The following LRFN4 variants were observed in gnomAD, a reference collection of about 807,000 sequenced individuals.
LRFN4 encodes the protein leucine-rich repeat and fibronectin type-III domain-containing protein 4.
In LRFN4, 10 loss-of-function variants were observed where a neutral mutation model predicts 29.0. The observed-to-expected ratio is 0.35, with a 90% confidence interval of 0.21 to 0.59. The LOEUF (loss-of-function observed/expected upper bound fraction) is 0.59. Among genes scored for constraint, LRFN4 ranks in the 20% least tolerant of loss-of-function variants. LRFN4 has a pLI of 0.82. For missense variants in LRFN4, 850 were observed against 907.9 expected, an observed-to-expected ratio of 0.94 and a Z score of 0.82; for synonymous variants, 493 against 437.0, an observed-to-expected ratio of 1.13 and a Z score of -1.60.
chr11:66,859,536 C>T lies in LRFN4; in HGVS notation c.1350-101C>T, dbSNP rs1163652512. 27 of 1,557,692 alleles carry T rather than the reference C, an allele frequency of 1.7e-5. No individual in the cohort carries two copies. The East Asian group carries it at 5.4e-4, about 31-fold the overall frequency. On this transcript the variant is annotated intron_variant, in intron 1 of 1. Transcript: ENST00000309602. ...GAGTGAACCCAAGAGCCCGAGTGGC[C>T]CCAGGGGGAGGGGTGTTTGGAGCTG...
At chr11:66,859,574 T>C in intron 1 of LRFN4, 63 bp from the exon 2 acceptor site, 1 of 1,600,230 alleles carries the variant, frequency 6.2e-7, no homozygotes. Context: ...AGCACGGGAG[T>C]GGGGAGGTGA....
At position 66,858,098 on chromosome 11, in the gene LRFN4, C is replaced by A. The variant is rs901013328; in HGVS notation, c.354C>A (p.Gly118=). The A allele has an allele frequency of 1.2e-6, 2 of 1,609,662 alleles. No individual in the cohort carries two copies. The highest frequency in any genetic ancestry group is 3.3e-5 in the Admixed American group (2 of 59,964). The change falls in exon 1 of 2, where the codon GGC becomes GGA. Residue 118 remains glycine (G), a synonymous_variant. Coordinates refer to ENST00000309602, the MANE Select transcript of LRFN4 (RefSeq NM_024036.5). This position sits in a 1 kb window ranked among gnomAD's most constrained non-coding sequence, Gnocchi z 5.9. ...LVELGTGSLR[G]PVNLQHLILS... is the part of the protein sequence containing the mutation. ...AGCTGGGCACCGGGAGCCTCCGGGG[C>A]CCCGTCAATCTGCAGCACCTCATCC... is the stretch of plus-strand genomic sequence containing the variant.
rs760538014 is a variant in LRFN4, at chr11:66,858,165, G to A, written c.421G>A (p.Asp141Asn). 8 of 1,610,836 alleles carry A rather than the reference G, an allele frequency of 5.0e-6. No homozygotes were observed. The highest frequency in any genetic ancestry group is 1.1e-5 in the South Asian group (1 of 91,030). ...QLGRIAPGAF[D>N]DFLESLEDLD... Reference sequence around the variant, plus strand: ...GGGCCGCATCGCGCCGGGAGCCTTCGACGACTTCCTAGAGAGCCTGGAGGA... The same window carrying A: ...GGGCCGCATCGCGCCGGGAGCCTTCAACGACTTCCTAGAGAGCCTGGAGGA... The change falls in exon 1 of 2, where the codon GAC becomes AAC. Residue 141 changes from aspartate to asparagine, a missense_variant. Asp to Asn is a conservative substitution (Grantham distance 23). Coordinates refer to ENST00000309602, the MANE Select transcript of LRFN4 (RefSeq NM_024036.5). This position sits in a 1 kb window ranked among gnomAD's most constrained non-coding sequence, Gnocchi z 5.9.
At position 66,858,958 on chromosome 11, in the gene LRFN4, C is replaced by T; in HGVS notation, c.1214C>T (p.Ser405Phe). ...GCCGAGGGTGAGGGGACGCTGGAGT[C>T]TGAGCCAGCCGTGCAGGTGACGGAG... ...TAAEGEGTLE[S>F]EPAVQVTEVT... The change falls in exon 1 of 2, where the codon TCT (serine) becomes TTT (phenylalanine). Residue 405 changes from serine to phenylalanine, a missense_variant. Around this residue, in one of 2 missense-constraint regions of LRFN4, gnomAD observed 744 missense variants for 753.8 expected, o/e 0.99. Coordinates refer to ENST00000309602, the MANE Select transcript of LRFN4 (RefSeq NM_024036.5). The surrounding 1 kb of genome is among the most constrained non-coding windows in gnomAD (Gnocchi z 5.9). The T allele has an allele frequency of 6.3e-7, 1 of 1,576,922 alleles. No individual in the cohort carries two copies. The highest frequency in any genetic ancestry group is 8.6e-7 in the Non-Finnish European group (1 of 1,158,256).
Position 66,859,889 on chromosome 11 carries a change from T to C in LRFN4, c.1602T>C (p.Thr534=), listed in dbSNP as rs376476016. The C allele has an allele frequency of 2.5e-6, 4 of 1,572,176 alleles. No individual in the cohort carries two copies. The highest frequency in any genetic ancestry group is 2.6e-6 in the Non-Finnish European group (3 of 1,159,914). Residue 534 remains threonine (T), a synonymous_variant, in exon 2 of 2, where the codon ACT becomes ACC. Transcript: ENST00000309602. The part of the protein sequence containing the change: ...GVLVAALLVF[T]VALLVRGRGA... ...TGGTGGCTGCCTTACTGGTCTTCACTGTGGCCTTGCTGGTTCGGGGCCGGG... is the reference window on the plus strand; with the variant it reads ...TGGTGGCTGCCTTACTGGTCTTCACCGTGGCCTTGCTGGTTCGGGGCCGGG...
rs781702331 is a variant in LRFN4, at chr11:66,859,855, G to C, written c.1568G>C (p.Gly523Ala). Reference sequence around the variant, plus strand: ...GGCGGGACCCTGACCGTGGCCGTGGGGGGTGTGCTGGTGGCTGCCTTACTG... The same window carrying C: ...GGCGGGACCCTGACCGTGGCCGTGGCGGGTGTGCTGGTGGCTGCCTTACTG... ...VLGGTLTVAVGGVLVAALLVF... is the reference protein window; with the variant it reads ...VLGGTLTVAVAGVLVAALLVF... Residue 523 changes from glycine (G) to alanine (A), a missense_variant, in exon 2 of 2, where the codon GGG becomes GCG. By Grantham distance (60) the Gly-to-Ala change is moderately conservative. Transcript: ENST00000309602. The C allele has an allele frequency of 1.3e-6, 2 of 1,564,450 alleles. No individual in the cohort carries two copies. The highest frequency in any genetic ancestry group is 1.8e-5 in the Admixed American group (1 of 55,096).
rs1946054046 is a variant in LRFN4, at chr11:66,858,878, T to G, written c.1134T>G (p.Ser378Arg). Residue 378 changes from serine (S) to arginine (R), a missense_variant, in exon 1 of 2, where the codon AGT becomes AGG. Physicochemically the swap from Ser to Arg is moderately radical, Grantham distance 110. Transcript: ENST00000309602. This position sits in a 1 kb window ranked among gnomAD's most constrained non-coding sequence, Gnocchi z 5.9. ...CCTTGCCCCATGGTGGGAACAGCAG[T>G]GCCGAGGGGGGCCGCCCCGGGCCCT... ...VLALPHGGNSSAEGGRPGPSD... is the reference protein window; with the variant it reads ...VLALPHGGNSRAEGGRPGPSD... 4 of 1,552,572 alleles carry G rather than the reference T, an allele frequency of 2.6e-6. No individual in the cohort carries two copies. In the East Asian group the frequency reaches 9.5e-5, roughly 37 times the overall value.
In LRFN4 at chr11:66,860,328, G is replaced by A; in HGVS notation, c.*133G>A. On this transcript the variant is annotated 3_prime_UTR_variant, in exon 2 of 2. Transcript: ENST00000309602. ...TCAGGCTCCCCTGTGTACTTGGAGG[G>A]GCAGGGAGCCCTTTCCTCGGTTCTG... 7.5e-7 allele frequency: 1 copy of A among 1,328,010 alleles called. No individual in the cohort carries two copies. The highest frequency in any genetic ancestry group is 1.2e-5 in the South Asian group (1 of 80,030). The allele number at this position is 1,328,010 out of a possible 1,614,324, so 82.3% of individuals were successfully genotyped here.
chr11:66,859,227 T>C (rs564923546), intron 1 of LRFN4, 134 bp downstream of exon 1: 7 of 1,223,044 alleles, frequency 5.7e-6, no homozygotes, highest in Non-Finnish European at 7.6e-6. Flanking sequence ...TGCTGGACTC[T>C]TGGAGGAGCA....
rs1296649530 is a variant in LRFN4 at position 66,859,970 on chromosome 11, T to C, written c.1683T>C (p.Asn561=). 4.4e-6 allele frequency: 7 copies of C among 1,601,352 alleles called. No homozygotes were observed. The highest frequency in any genetic ancestry group is 2.7e-5 in the African/African-American group (2 of 74,528). ...TCAGCCACGTCCAGTCCCAGACCAA[T>C]GGAGGCCCCAGCCCCACACCCAAGG... is the stretch of plus-strand genomic sequence containing the variant. ...LKLSHVQSQT[N]GGPSPTPKAH... is the part of the protein sequence containing the mutation. Residue 561 remains asparagine, a synonymous_variant, in exon 2 of 2, where the codon AAT becomes AAC. Coordinates refer to ENST00000309602, the MANE Select transcript of LRFN4 (RefSeq NM_024036.5).
At chr11:66,859,473 C>T (rs1946105838) in intron 1 of LRFN4, among the ~76,000 whole-genome samples, 164 bp from the exon 2 acceptor site, 1 of 152,234 alleles carries the variant, frequency 6.6e-6, no homozygotes, top group Non-Finnish European at 1.5e-5. Context: ...TGCACACACC[C>T]ATCTCCTGGC....
rs1258492598 is a variant in LRFN4, at chr11:66,858,391, G to A, written c.647G>A (p.Arg216His). Reference sequence around the variant, plus strand: ...CTGGCTCCGGACCCGCTTTTCTCTCGTGGGCGTGATGCAGAGGCCTCTCCC... The same window carrying A: ...CTGGCTCCGGACCCGCTTTTCTCTCATGGGCGTGATGCAGAGGCCTCTCCC... ...ATLAPDPLFS[R>H]GRDAEASPAP... The change falls in exon 1 of 2, where the codon CGT (arginine) becomes CAT (histidine). Residue 216 changes from arginine (R) to histidine (H), a missense_variant. Around this residue, in one of 2 missense-constraint regions of LRFN4, gnomAD observed 744 missense variants for 753.8 expected, o/e 0.99. Coordinates refer to ENST00000309602, the MANE Select transcript of LRFN4 (RefSeq NM_024036.5). This position sits in a 1 kb window ranked among gnomAD's most constrained non-coding sequence, Gnocchi z 5.9. 1.3e-6 allele frequency: 2 copies of A among 1,566,716 alleles called. No individual in the cohort carries two copies. Among genetic ancestry groups the A allele is most frequent in the Non-Finnish European group, 1.7e-6 (2 of 1,161,498 alleles).
At position 66,859,096 on chromosome 11, in the gene LRFN4, G is replaced by A. The variant is rs1428845406; in HGVS notation, c.1349+3G>A. The A allele has an allele frequency of 4.0e-6, 6 of 1,485,964 alleles. No individual in the cohort carries two copies. In the South Asian group the frequency reaches 4.2e-5, roughly 11 times the overall value. 92.0% of individuals were successfully genotyped at this position (1,485,964 alleles called of 1,614,324 possible). ...GAAGATGAGACCCTCATCTACCGGT[G>A]AGGATGCGTGCCCCACACCCGGCTG... On this transcript the variant is annotated splice_donor_region_variant and intron_variant, in intron 1 of 1. Transcript: ENST00000309602.
rs1946114772 is a variant in LRFN4 at position 66,859,618 on chromosome 11, CACCTGCCCTT to C, written c.1350-18_1350-9del. On this transcript the variant is annotated splice_polypyrimidine_tract_variant and intron_variant, in intron 1 of 1. Transcript: ENST00000309602. ...CTAGACCCCAGCCCCGGGCTCTGACCACCTGCCCTTGCCTGCAGGATTGTCCCAGCCTCCA... is the reference window on the plus strand; with the variant it reads ...CTAGACCCCAGCCCCGGGCTCTGACCGCCTGCAGGATTGTCCCAGCCTCCA... The C allele has an allele frequency of 6.2e-7, 1 of 1,612,388 alleles. No homozygotes were observed. Among genetic ancestry groups the C allele is most frequent in the African/African-American group, 1.3e-5 (1 of 74,904 alleles).
At position 66,859,390 on chromosome 11, in the gene LRFN4, C is replaced by T. The variant is rs999509504; in HGVS notation, c.1350-247C>T. Among the ~76,000 whole-genome samples, 21 of 152,286 alleles carry T rather than the reference C, an allele frequency of 1.4e-4. No homozygotes were observed. In the South Asian group the frequency reaches 1.5e-3, roughly 11 times the overall value. On this transcript the variant is annotated intron_variant, in intron 1 of 1. Transcript: ENST00000309602. ...CTGTCTGAAGCACATGGCCCGCGCC[C>T]GCGTGTTATTTCTGCCTCTGCTGGT...
In LRFN4 at chr11:66,858,671, G is replaced by A. The variant is rs367785957; in HGVS notation, c.927G>A (p.Ala309=). The part of the protein sequence containing the change: ...TLRCRALGDP[A]PTMHWVGPDD... ...GGTGCCGGGCCCTGGGTGACCCCGC[G>A]CCTACCATGCACTGGGTCGGTCCTG... Residue 309 remains alanine, a synonymous_variant, in exon 1 of 2, where the codon GCG becomes GCA. Transcript: ENST00000309602. This position sits in a 1 kb window ranked among gnomAD's most constrained non-coding sequence, Gnocchi z 5.9. 2.3e-5 allele frequency: 36 copies of A among 1,545,290 alleles called. No individual in the cohort carries two copies. Among genetic ancestry groups the A allele is most frequent in the African/African-American group, 1.2e-4 (9 of 73,242 alleles).
intron 1 of LRFN4, 109 bp downstream of exon 1, chr11:66,859,202 C>G: frequency 7.5e-7 from 1 of 1,330,620 alleles, no homozygotes; most frequent in Admixed American, 2.8e-5. Flanking sequence ...CTGACACCCC[C>G]TCCCCGACCA....
In LRFN4 at chr11:66,859,071, G is replaced by A. The variant is rs1311159229; in HGVS notation, c.1327G>A (p.Glu443Lys). 17 of 1,491,844 alleles carry A rather than the reference G, an allele frequency of 1.1e-5. No individual in the cohort carries two copies. The highest frequency in any genetic ancestry group is 2.8e-5 in the African/African-American group (2 of 70,206). The allele number at this position is 1,491,844 out of a possible 1,614,324, so 92.4% of individuals were successfully genotyped here. ...GTTCCAAATCCAGTACAACAGCAGC[G>A]AAGATGAGACCCTCATCTACCGGTG... ...WMFQIQYNSSEDETLIYRIVP... is the reference protein window; with the variant it reads ...WMFQIQYNSSKDETLIYRIVP... Residue 443 changes from glutamate to lysine, a missense_variant, in exon 1 of 2, where the codon GAA (glutamate) becomes AAA (lysine). Coordinates refer to ENST00000309602, the MANE Select transcript of LRFN4 (RefSeq NM_024036.5).
rs202213608 is a variant in LRFN4 at position 66,858,321 on chromosome 11, G to C, written c.577G>C (p.Gly193Arg). 9 of 1,608,066 alleles carry C rather than the reference G, an allele frequency of 5.6e-6. No homozygotes were observed. The highest frequency in any genetic ancestry group is 2.2e-5 in the East Asian group (1 of 44,778). Residue 193 changes from glycine to arginine, a missense_variant, in exon 1 of 2, where the codon GGT becomes CGT. Around this residue, in one of 2 missense-constraint regions of LRFN4, gnomAD observed 744 missense variants for 753.8 expected, o/e 0.99. Coordinates refer to ENST00000309602, the MANE Select transcript of LRFN4 (RefSeq NM_024036.5). The surrounding 1 kb of genome is among the most constrained non-coding windows in gnomAD (Gnocchi z 5.9). Reference protein sequence around the residue: ...ALPPGAFAQLGQLSRLDLTSN... With the variant: ...ALPPGAFAQLRQLSRLDLTSN... ...GCCCCCAGGCGCCTTCGCCCAGCTCGGTCAGCTCTCCCGCCTGGACCTCAC... is the reference window on the plus strand; with the variant it reads ...GCCCCCAGGCGCCTTCGCCCAGCTCCGTCAGCTCTCCCGCCTGGACCTCAC...
Sources: gnomAD v4.1 joint callset for allele counts (sites outside exome capture counted in the v4.1 genomes callset) on GRCh38, gnomAD v4.1.1 for gene constraint, gnomAD v4.1.1 regional missense constraint, Gnocchi (gnomAD v3.1) non-coding constraint, MANE v1.5 for transcripts, NCBI Gene and HGNC (gene_info 2026-07-23, HGNC 2026-07-21) for gene names.